Variants in MAP3K15 observed in about 807,000 individuals in gnomAD.
MAP3K15 encodes the protein mitogen-activated protein kinase kinase kinase 15, also known as MAPK/ERK kinase kinase 15.
A neutral mutation model predicts 99.5 loss-of-function variants in MAP3K15; 124 were observed. The ratio of observed to expected loss-of-function variants is 1.25; its 90% confidence interval spans 1.08 to 1.45. The LOEUF is 1.45. MAP3K15 is among the 40% of genes most tolerant of loss of function. The pLI is 0.00. For missense variants in MAP3K15, 1,242 were observed against 1,079.7 expected, an observed-to-expected ratio of 1.15 and a Z score of -2.11; for synonymous variants, 494 against 439.6, an observed-to-expected ratio of 1.12 and a Z score of -1.55.
At chrX:19,477,217 T>C (rs1277737068) in intron 3 of MAP3K15, among the ~76,000 whole-genome samples, 1 of 110,920 alleles carries the variant, frequency 9.0e-6, no homozygotes. Flanking sequence ...CTGTGAAATC[T>C]GACATTACCC....
intron 10 of MAP3K15, among the ~76,000 whole-genome samples, chrX:19,413,936 G>A (rs182772141): frequency 1.6e-3 from 171 of 109,457 alleles, no homozygotes; most frequent in African/African-American, 5.3e-3. Context: ...CAAAGCAGGC[G>A]GATCACTTGA....
intron 21 of MAP3K15, 31 bp downstream of exon 21, chrX:19,373,505 C>T: frequency 8.6e-7 from 1 of 1,162,636 alleles, no homozygotes; most frequent in Non-Finnish European, 1.2e-6. Flanking sequence ...CCCTTTCGGG[C>T]CCGCGGCAGA....
At chrX:19,456,208 C>G (rs59513355) in intron 6 of MAP3K15, among the ~76,000 whole-genome samples, 4 of 112,000 alleles carry the variant, frequency 3.6e-5, no homozygotes, top group African/African-American at 1.3e-4. Flanking sequence ...CAGCGCTGTT[C>G]TCAGTATCCC....
intron 3 of MAP3K15, among the ~76,000 whole-genome samples, chrX:19,478,570 G>C (rs1040132259): frequency 9.2e-6 from 1 of 108,995 alleles, no homozygotes; most frequent in African/African-American, 3.4e-5. Context: ...GAGTATTGAA[G>C]ACACTGTCTC....
chrX:19,449,765 C>T (rs1201315313), intron 6 of MAP3K15, among the ~76,000 whole-genome samples: 2 of 109,433 alleles, frequency 1.8e-5, no homozygotes, highest in African/African-American at 6.5e-5. Context: ...TCTCAGAGGG[C>T]CAGAGACTTA....
At chrX:19,470,175 G>A in intron 3 of MAP3K15, among the ~76,000 whole-genome samples, 1 of 111,857 alleles carries the variant, frequency 8.9e-6, no homozygotes. Context: ...CGATAGACTG[G>A]ACTAAGAAAA....
chrX:19,486,927 A>G (rs1026420351), intron 2 of MAP3K15, among the ~76,000 whole-genome samples: 2 of 111,111 alleles, frequency 1.8e-5, no homozygotes, highest in Non-Finnish European at 3.8e-5. Context: ...CGGATCTGGA[A>G]CCACTTCCTG....
chrX:19,417,340 C>A (rs2063744455), intron 9 of MAP3K15, among the ~76,000 whole-genome samples: 1 of 112,054 alleles, frequency 8.9e-6, no homozygotes, highest in African/African-American at 3.2e-5. Context: ...CGGGTCGCTC[C>A]CACCCTAATA....
In MAP3K15 at chrX:19,400,589, C is replaced by T. The variant is rs367550537; in HGVS notation, c.1919G>A (p.Gly640Glu). 8.3e-7 allele frequency: 1 copy of T among 1,202,655 alleles called. No individual in the cohort carries two copies. Among genetic ancestry groups the T allele is most frequent in the Admixed American group, 2.2e-5 (1 of 45,836 alleles). The change falls in exon 14 of 29, where the codon GGA (glycine) becomes GAA (glutamate). Residue 640 changes from glycine to glutamate, a missense_variant. By Grantham distance (98) the Gly-to-Glu change is moderately conservative (BLOSUM62 -2). Coordinates refer to ENST00000338883, the MANE Select transcript of MAP3K15 (RefSeq NM_001001671.4). ...STVELEGETD[G>E]DTLEYEYDHD... ...TCCATGACTCACCTCCAAGGTGTCT[C>T]CATCGGTCTCTCCCTCCAGCTCCAC...
chrX:19,434,397 T>G (rs5955780), intron 6 of MAP3K15, among the ~76,000 whole-genome samples: 24,104 of 106,544 alleles, frequency 0.23, 5,637 homozygotes, highest in African/African-American at 0.7. Context: ...GCTAATTTTT[T>G]AATTTTTTTT....
At chrX:19,501,764 T>C (rs5955563) in intron 1 of MAP3K15, among the ~76,000 whole-genome samples, 26,062 of 111,335 alleles carry the variant, frequency 0.23, 2,880 homozygotes, top group African/African-American at 0.43. Flanking sequence ...GATCAATCAT[T>C]AAATCAATAA....
At chrX:19,389,376 T>C (rs1050075619) in intron 18 of MAP3K15, among the ~76,000 whole-genome samples, 2 of 108,755 alleles carry the variant, frequency 1.8e-5, no homozygotes, top group East Asian at 5.8e-4. Context: ...CAGGTTCCTA[T>C]GTGTGGGGCA....
intron 19 of MAP3K15, among the ~76,000 whole-genome samples, chrX:19,375,774 C>G (rs2063412674): frequency 8.9e-6 from 1 of 112,649 alleles, no homozygotes; most frequent in East Asian, 2.8e-4. Flanking sequence ...CTCCCCACTT[C>G]CTGTCCCCAA....
intron 28 of MAP3K15, 22 bp from the exon 29 acceptor site, chrX:19,360,855 C>T: frequency 8.8e-7 from 1 of 1,141,704 alleles, no homozygotes; most frequent in African/African-American, 1.8e-5. Context: ...ACACAGCTGT[C>T]TTCAGAGTCA....
chrX:19,375,513 T>A (rs2063410628), intron 19 of MAP3K15, among the ~76,000 whole-genome samples: 1 of 112,272 alleles, frequency 8.9e-6, no homozygotes, highest in South Asian at 3.7e-4. Flanking sequence ...TTCCGTGACA[T>A]GTTATATAGC....
chrX:19,444,773 A>C (rs1456214408), intron 6 of MAP3K15, among the ~76,000 whole-genome samples: 1 of 112,014 alleles, frequency 8.9e-6, no homozygotes, highest in Non-Finnish European at 1.9e-5. Context: ...AGTTGATCAG[A>C]AAAAGAAGGC....
chrX:19,468,767 T>C, intron 3 of MAP3K15, among the ~76,000 whole-genome samples: 1 of 111,711 alleles, frequency 9.0e-6, no homozygotes, highest in African/African-American at 3.3e-5. Flanking sequence ...TGTTCTTCCA[T>C]TTGTTTGTAT....
chrX:19,419,848 CA>C (rs922977755), intron 9 of MAP3K15, among the ~76,000 whole-genome samples: 4 of 112,054 alleles, frequency 3.6e-5, no homozygotes, highest in African/African-American at 1.3e-4. Context: ...TCTCTCAGAC[CA>C]CAGTGCAATC....
Position 19,505,451 on chromosome X carries a change from A to G in MAP3K15, c.361+9450T>C, listed in dbSNP as rs1355967636. On this transcript the variant is annotated intron_variant, in intron 1 of 28. Transcript: ENST00000338883. ...CTTCTCTCTTGCACATGCAAAATCC[A>G]AAGTGGATATTCCTCCTCTGCCAGC... is the stretch of plus-strand genomic sequence containing the variant. Among the ~76,000 whole-genome samples the G allele has an allele frequency of 2.7e-5, 3 of 112,242 alleles. 1 individual carries two copies. Among genetic ancestry groups the G allele is most frequent in the Non-Finnish European group, 5.6e-5 (3 of 53,294 alleles).
Sources: allele counts gnomAD v4.1 joint callset (sites outside exome capture counted in the v4.1 genomes callset), GRCh38; gene constraint gnomAD v4.1.1; transcripts MANE v1.5; gene names NCBI Gene and HGNC (gene_info 2026-07-23, HGNC 2026-07-21).